SLC9A3: variants seen among roughly 807,000 people sequenced by gnomAD.
SLC9A3 encodes solute carrier family 9 member A3, also known as sodium/hydrogen exchanger 3.
In SLC9A3, 37 loss-of-function variants were observed where a neutral mutation model predicts 86.8. The ratio of observed to expected loss-of-function variants is 0.43; its 90% CI spans 0.33 to 0.56. The LOEUF is 0.56. Ranked by LOEUF, SLC9A3 falls within the 20% of genes least tolerant of loss-of-function variation. SLC9A3 has a pLI of 0.06. For missense variants in SLC9A3, 1,011 were observed against 1,171.9 expected (o/e 0.86, Z 2.00); for synonymous variants, 581 against 528.3 (o/e 1.10, Z -1.37).
At chr5:495,102 C>T (rs1560963672) in intron 1 of SLC9A3, among the ~76,000 whole-genome samples, 2 of 130,314 alleles carry the variant, frequency 1.5e-5, no homozygotes, top group Admixed American at 7.7e-5. Flanking sequence ...GGTGGGGGGG[C>T]GCCGTGGCCG....
At chr5:473,707 C>T (rs755198943) in intron 16 of SLC9A3, among the ~76,000 whole-genome samples, 7 of 152,176 alleles carry the variant, frequency 4.6e-5, no homozygotes, top group Non-Finnish European at 7.4e-5. Flanking sequence ...CTGCTTCCTC[C>T]ATCTCAAACC....
Position 482,767 on chromosome 5 carries a change from G to T in SLC9A3, c.1154-17C>A. On this transcript the variant is annotated splice_polypyrimidine_tract_variant and intron_variant, in intron 6 of 16. Transcript: ENST00000264938. Reference sequence around the variant, plus strand: ...GGACCACACCTGCGGATGATGGGGCGGGCACTCAGCTCCCCGGCCGCCCTC... The same window carrying T: ...GGACCACACCTGCGGATGATGGGGCTGGCACTCAGCTCCCCGGCCGCCCTC... The T allele has an allele frequency of 6.3e-7, 1 of 1,578,114 alleles. No individual in the cohort carries two copies. The highest frequency in any genetic ancestry group is 2.3e-5 in the East Asian group (1 of 43,188).
rs538729873 is a variant in SLC9A3, at chr5:487,843, T to C, written c.675+473A>G. Among the ~76,000 whole-genome samples the C allele has an allele frequency of 8.8e-4, 134 of 152,294 alleles. 1 individual carries two copies. Among genetic ancestry groups the C allele is most frequent in the Admixed American group, 8.0e-3 (123 of 15,294 alleles). Reference sequence around the variant, plus strand: ...CCACCACCCCTGGCTAATTTTTGTATTTTTAGTAGAGACGGGGTTTCACCA... The same window carrying C: ...CCACCACCCCTGGCTAATTTTTGTACTTTTAGTAGAGACGGGGTTTCACCA... On this transcript the variant is annotated intron_variant, in intron 3 of 16. Coordinates refer to ENST00000264938, the MANE Select transcript of SLC9A3 (RefSeq NM_004174.4).
intron 1 of SLC9A3, among the ~76,000 whole-genome samples, chr5:521,470 TG>T (rs1306466860): frequency 6.6e-6 from 1 of 152,204 alleles, no homozygotes; most frequent in Non-Finnish European, 1.5e-5. Flanking sequence ...TGAAGAAGGC[TG>T]GGGCTGTGAG....
chr5:507,938 T>TCCACCCCACAGACACCCGAATCC (rs1740688307), intron 1 of SLC9A3, among the ~76,000 whole-genome samples: 3 of 27,724 alleles, frequency 1.1e-4, no homozygotes, highest in African/African-American at 3.6e-4. Context: ...CGCCCGAATC[T>TCCACCCCACAGACACCCGAATCC]CCACCCCACA....
intron 1 of SLC9A3, among the ~76,000 whole-genome samples, chr5:511,640 C>T (rs1037926728): frequency 1.3e-5 from 2 of 152,360 alleles, no homozygotes; most frequent in Non-Finnish European, 2.9e-5. Flanking sequence ...CGGATAGCAC[C>T]GAAGGCTGGC....
chr5:476,737 G>A (rs1228939402), intron 11 of SLC9A3, 65 bp from the exon 12 acceptor site: 19 of 1,568,896 alleles, frequency 1.2e-5, no homozygotes, highest in South Asian at 3.4e-5. Context: ...CGCGCCCCTC[G>A]CCTTCCCACG....
Position 524,113 on chromosome 5 carries a change from G to C in SLC9A3, c.210C>G (p.Ile70Met), listed in dbSNP as rs1579837681. The C allele has an allele frequency of 3.3e-6, 5 of 1,505,880 alleles. No homozygotes were observed. The highest frequency in any genetic ancestry group is 3.6e-6 in the Non-Finnish European group (4 of 1,125,424). The allele number at this position is 1,505,880 out of a possible 1,614,324, so 93.3% of individuals were successfully genotyped here. ...TCCGGAGACCCCGGGGCCACTTACC[G>C]ATCTTGGCCAAGCTGGCCACGAGGA... ...LWILVASLAK[I>M]GFHLSHKVTS... The change falls in exon 1 of 17, where the codon ATC (isoleucine) becomes ATG (methionine). Residue 70 changes from isoleucine (I) to methionine (M), a missense_variant and splice_region_variant. Coordinates refer to ENST00000264938, the MANE Select transcript of SLC9A3 (RefSeq NM_004174.4).
In SLC9A3 at chr5:474,951, C is replaced by G; in HGVS notation, c.2433G>C (p.Val811=). ...LMPFRLSSKS[V]DSFLQADGPE... ...GGCCGTCTGCCTGCAGGAAGGAGTC[C>G]ACGGACTTGCTGCTGAGGCGGAAGG... The change falls in exon 16 of 17, where the codon GTG becomes GTC. Residue 811 remains valine, a synonymous_variant. Transcript: ENST00000264938. The G allele has an allele frequency of 6.2e-7, 1 of 1,608,900 alleles. No individual in the cohort carries two copies. Among genetic ancestry groups the G allele is most frequent in the Middle Eastern group, 1.7e-4 (1 of 6,042 alleles).
rs756060959 is a variant in SLC9A3 at position 471,791 on chromosome 5, G to A, written c.*1588C>T. The A allele has an allele frequency of 3.9e-5, 18 of 456,392 alleles. No homozygotes were observed. Among genetic ancestry groups the A allele is most frequent in the Non-Finnish European group, 7.1e-5 (16 of 226,946 alleles). 28.3% of individuals were successfully genotyped at this position (456,392 alleles called of 1,614,324 possible). On this transcript the variant is annotated 3_prime_UTR_variant, in exon 17 of 17. Coordinates refer to ENST00000264938, the MANE Select transcript of SLC9A3 (RefSeq NM_004174.4). Reference sequence around the variant, plus strand: ...GGGTCGAGAGCTTCTCCGAAGCAGCGGTCATGCAGGCTTTTGTGTGGCTGA... The same window carrying A: ...GGGTCGAGAGCTTCTCCGAAGCAGCAGTCATGCAGGCTTTTGTGTGGCTGA...
intron 15 of SLC9A3, 139 bp from the exon 16 acceptor site, chr5:475,271 G>A: frequency 1.2e-6 from 1 of 851,588 alleles, no homozygotes; most frequent in South Asian, 1.7e-5. Flanking sequence ...CTTTCAGGTT[G>A]CGGGCCCTTC....
intron 15 of SLC9A3, 54 bp downstream of exon 15, chr5:475,507 G>GT: frequency 9.6e-7 from 1 of 1,038,146 alleles, no homozygotes; most frequent in Non-Finnish European, 1.4e-6. Context: ...GCTCCCTCCT[G>GT]GGGCGGCAGG....
chr5:483,340 C>T lies in SLC9A3; in HGVS notation c.1075G>A (p.Val359Met), dbSNP rs1739308802. 4 of 1,566,454 alleles carry T rather than the reference C, an allele frequency of 2.6e-6. No individual in the cohort carries two copies. Among genetic ancestry groups the T allele is most frequent in the Non-Finnish European group, 1.7e-6 (2 of 1,156,220 alleles). ...TTCCAGGTCCAGATGAACGGGTTCA[C>T]GGCCGAGATACCCAGGAACATGAAG... is the stretch of plus-strand genomic sequence containing the variant. ...IIFMFLGISA[V>M]NPFIWTWNTA... Residue 359 changes from valine to methionine, a missense_variant, in exon 6 of 17, where the codon GTG becomes ATG. Physicochemically the swap from Val to Met is conservative, Grantham distance 21. This residue lies in a region of SLC9A3 where 565 missense variants were observed against 790.0 expected (regional missense o/e 0.72). Coordinates refer to ENST00000264938, the MANE Select transcript of SLC9A3 (RefSeq NM_004174.4).
intron 1 of SLC9A3, among the ~76,000 whole-genome samples, chr5:511,085 C>T (rs1231715659): frequency 6.6e-6 from 1 of 152,188 alleles, no homozygotes; most frequent in Non-Finnish European, 1.5e-5. Context: ...ATATCGAACA[C>T]ACACCAGCAA....
chr5:482,720 C>G lies in SLC9A3; in HGVS notation c.1184G>C (p.Arg395Pro), dbSNP rs200586677. ...GGGCTCCAGCTGCACCATGCGGTAG[C>G]GGTTCAGAAGCCAGGTCTGCAGGAC... ...GVVLQTWLLN[R>P]YRMVQLEPID... The change falls in exon 7 of 17, where the codon CGC becomes CCC. Residue 395 changes from arginine to proline, a missense_variant. Physicochemically the swap from Arg to Pro is moderately radical, Grantham distance 103 (BLOSUM62 -2). Around this residue, in one of 3 missense-constraint regions of SLC9A3, gnomAD observed 565 missense variants for 790.0 expected, o/e 0.72. Coordinates refer to ENST00000264938, the MANE Select transcript of SLC9A3 (RefSeq NM_004174.4). The G allele has an allele frequency of 6.2e-7, 1 of 1,609,816 alleles. No individual in the cohort carries two copies. The highest frequency in any genetic ancestry group is 8.5e-7 in the Non-Finnish European group (1 of 1,178,776).
At position 472,127 on chromosome 5, in the gene SLC9A3, C is replaced by A; in HGVS notation, c.*1252G>T. 2.5e-6 allele frequency: 1 copy of A among 399,530 alleles called. No homozygotes were observed. Among genetic ancestry groups the A allele is most frequent in the South Asian group, 1.8e-5 (1 of 54,296 alleles). 24.7% of individuals were successfully genotyped at this position (399,530 alleles called of 1,614,324 possible). A position where few individuals can be genotyped will look rare whatever the true frequency, so the allele number is the denominator to read the frequency against. On this transcript the variant is annotated 3_prime_UTR_variant, in exon 17 of 17. Coordinates refer to ENST00000264938, the MANE Select transcript of SLC9A3 (RefSeq NM_004174.4). ...GTCTGAGGGATGGATGGACTCCGAG[C>A]ACCCTCCCCGGCTCAGCACCCGCGG...
At chr5:489,442 C>T (rs966396358) in intron 2 of SLC9A3, among the ~76,000 whole-genome samples, 13 of 152,098 alleles carry the variant, frequency 8.5e-5, no homozygotes, top group African/African-American at 2.9e-4. Context: ...TCCCTGGAGC[C>T]GGACGGGCCC....
rs1293403127 is a variant in SLC9A3, at chr5:483,275, C to T, written c.1140G>A (p.Val380=). The stretch of plus-strand genomic sequence containing the variant: ...GCCCCGCCTCACCGATGGCCCGGTA[C>T]ACGGAGATGAAGACCAGCGTCAGGA... The part of the protein sequence containing the change: ...FVLLTLVFIS[V]YRAIGVVLQT... The change falls in exon 6 of 17, where the codon GTG becomes GTA. Residue 380 remains valine (V), a synonymous_variant. Transcript: ENST00000264938. 3 of 1,548,368 alleles carry T rather than the reference C, an allele frequency of 1.9e-6. No homozygotes were observed. The South Asian group carries it at 3.6e-5, about 18-fold the overall frequency.
chr5:501,778 C>T (rs112798186), intron 1 of SLC9A3, among the ~76,000 whole-genome samples: 11 of 152,234 alleles, frequency 7.2e-5, no homozygotes, highest in Admixed American at 3.3e-4. Flanking sequence ...AAGCCCAGGG[C>T]GGAGGTAAAG....
Sources: gnomAD v4.1 joint callset for allele counts (sites outside exome capture counted in the v4.1 genomes callset) on GRCh38, gnomAD v4.1.1 for gene constraint, gnomAD v4.1.1 regional missense constraint, MANE v1.5 for transcripts, NCBI Gene and HGNC (gene_info 2026-07-23, HGNC 2026-07-21) for gene names.